PTPRG: variants seen among roughly 807,000 people sequenced by gnomAD.
The protein encoded by PTPRG is protein tyrosine phosphatase receptor type G.
Under a neutral mutation model 165.3 loss-of-function variants are expected in PTPRG, and 102 were observed. The ratio of observed to expected loss-of-function variants is 0.62; its 90% CI spans 0.53 to 0.73. The LOEUF is 0.73. Ranked by LOEUF, PTPRG falls within the 30% of genes least tolerant of loss-of-function variation. The pLI, the probability that PTPRG is intolerant of heterozygous loss-of-function variation, is 0.00. For synonymous variants in PTPRG, 675 were observed against 669.5 expected, an observed-to-expected ratio of 1.01 and a Z score of -0.13; for missense variants, 1,866 against 1,861.4, an observed-to-expected ratio of 1.00 and a Z score of -0.05.
intron 3 of PTPRG, among the ~76,000 whole-genome samples, chr3:61,992,444 C>G (rs543618720): frequency 6.6e-6 from 1 of 152,284 alleles, no homozygotes; most frequent in East Asian, 1.9e-4. Flanking sequence ...ATTGCAACCT[C>G]TGCCTCCCGG....
In PTPRG at chr3:62,195,376, C is replaced by A. The variant is rs1699935201; in HGVS notation, c.1327+206C>A. 6.6e-6 allele frequency among the ~76,000 whole-genome samples: 1 copy of A among 152,112 alleles called. No homozygotes were observed. Among genetic ancestry groups the A allele is most frequent in the Non-Finnish European group, 1.5e-5 (1 of 68,016 alleles). On this transcript the variant is annotated intron_variant, in intron 10 of 29. Coordinates refer to ENST00000474889, the MANE Select transcript of PTPRG (RefSeq NM_002841.4). This position sits in a 1 kb window ranked among gnomAD's most constrained non-coding sequence, Gnocchi z 4.4. ...TATCGGCAGAAGAGGGGAGAAAAAA[C>A]AAAACATTTTTGATTGTTTTATTGT... is the stretch of plus-strand genomic sequence containing the variant.
chr3:61,748,123 C>T (rs1451099174), intron 1 of PTPRG, among the ~76,000 whole-genome samples: 1 of 152,138 alleles, frequency 6.6e-6, no homozygotes, highest in Non-Finnish European at 1.5e-5. Context: ...ATCAGTGTTT[C>T]TTTTGTGGGC....
chr3:62,066,607 G>A (rs904390116), intron 4 of PTPRG, among the ~76,000 whole-genome samples: 6 of 152,146 alleles, frequency 3.9e-5, no homozygotes, highest in African/African-American at 9.7e-5. Context: ...TGTCCAAGGC[G>A]TTAAGCTCCA....
At chr3:61,700,151 C>T (rs1035845721) in intron 1 of PTPRG, among the ~76,000 whole-genome samples, 1 of 152,076 alleles carries the variant, frequency 6.6e-6, no homozygotes. Flanking sequence ...CTCTGTACCC[C>T]CTAAGGATTG....
At chr3:61,871,377 T>A (rs1225491569) in intron 2 of PTPRG, among the ~76,000 whole-genome samples, 1 of 152,038 alleles carries the variant, frequency 6.6e-6, no homozygotes, top group African/African-American at 2.4e-5. Context: ...AAGGCACATG[T>A]CACCACATCT....
intron 4 of PTPRG, among the ~76,000 whole-genome samples, chr3:62,076,574 T>C (rs556207982): frequency 3.6e-4 from 54 of 150,970 alleles, no homozygotes; most frequent in Admixed American, 6.6e-4. Flanking sequence ...TCATTTTTGT[T>C]CTCTACATCT....
chr3:61,631,081 G>GTT (rs923404357), intron 1 of PTPRG, among the ~76,000 whole-genome samples: 15 of 146,882 alleles, frequency 1.0e-4, no homozygotes, highest in African/African-American at 3.7e-4. Flanking sequence ...GAAAAAAAAA[G>GTT]TTTTTTTTTT....
chr3:62,000,267 C>T (rs914551396), intron 3 of PTPRG, among the ~76,000 whole-genome samples: 4 of 139,848 alleles, frequency 2.9e-5, no homozygotes, highest in East Asian at 2.1e-4. Context: ...GGCAACAGAG[C>T]GAGACTCTGT....
chr3:62,062,823 C>T (rs958848824), intron 4 of PTPRG, among the ~76,000 whole-genome samples: 7 of 152,108 alleles, frequency 4.6e-5, no homozygotes, highest in African/African-American at 1.7e-4. Context: ...CCACCATGCC[C>T]AGTTAATTTT....
chr3:61,706,791 GTATTAT>G (rs541054128), intron 1 of PTPRG, among the ~76,000 whole-genome samples: 1 of 151,668 alleles, frequency 6.6e-6, no homozygotes, highest in Non-Finnish European at 1.5e-5. Flanking sequence ...TGCCCGGCCA[GTATTAT>G]TATTATTATT....
chr3:62,095,387 C>T (rs866051445), intron 5 of PTPRG, among the ~76,000 whole-genome samples: 2 of 152,154 alleles, frequency 1.3e-5, no homozygotes, highest in African/African-American at 4.8e-5. Flanking sequence ...ATACAAATGA[C>T]AGCAGTTAGA....
intron 1 of PTPRG, among the ~76,000 whole-genome samples, chr3:61,596,713 C>T (rs114866497): frequency 3.9e-5 from 6 of 151,992 alleles, no homozygotes; most frequent in Non-Finnish European, 8.8e-5. Context: ...TTTCCTTTTT[C>T]ACAAGTAGAA....
intron 2 of PTPRG, among the ~76,000 whole-genome samples, chr3:61,915,811 C>T (rs147110078): frequency 6.6e-6 from 1 of 152,268 alleles, no homozygotes; most frequent in African/African-American, 2.4e-5. Flanking sequence ...ATCATAATAT[C>T]ACTTGATTTA....
intron 4 of PTPRG, among the ~76,000 whole-genome samples, chr3:62,055,311 G>C (rs1313651286): frequency 6.6e-6 from 1 of 152,204 alleles, no homozygotes; most frequent in Non-Finnish European, 1.5e-5. Context: ...GTTAAAAAAT[G>C]TAAAGGCATC....
At chr3:62,044,565 A>C (rs1700229652) in intron 4 of PTPRG, among the ~76,000 whole-genome samples, 1 of 152,186 alleles carries the variant, frequency 6.6e-6, no homozygotes, top group African/African-American at 2.4e-5. Flanking sequence ...AAAATGGCTA[A>C]GGAATGCTTA....
At position 62,137,681 on chromosome 3, in the gene PTPRG, T is replaced by A. The variant is rs1028356927; in HGVS notation, c.682+5013T>A. Among the ~76,000 whole-genome samples the A allele has an allele frequency of 2.0e-5, 3 of 152,032 alleles. No homozygotes were observed. The East Asian group carries it at 5.8e-4, about 29-fold the overall frequency. The stretch of plus-strand genomic sequence containing the variant: ...GATCTTTTTTTGGTGCAAGTTTGGC[T>A]TTGGGAAGTGCTTTGGAGCTTCTTC... On this transcript the variant is annotated intron_variant, in intron 6 of 29. Transcript: ENST00000474889.
At chr3:62,060,537 G>A (rs757201983) in intron 4 of PTPRG, among the ~76,000 whole-genome samples, 3 of 152,218 alleles carry the variant, frequency 2.0e-5, no homozygotes, top group Non-Finnish European at 4.4e-5. Flanking sequence ...ATCACTCACA[G>A]TTGCACTTAC....
intron 2 of PTPRG, among the ~76,000 whole-genome samples, chr3:61,801,053 G>A (rs544839647): frequency 1.4e-4 from 21 of 152,168 alleles, no homozygotes; most frequent in Non-Finnish European, 3.1e-4. Context: ...ACCGCCTGCC[G>A]TAGCTTCCCT....
intron 2 of PTPRG, among the ~76,000 whole-genome samples, chr3:61,794,301 CTT>C (rs1350081555): frequency 6.6e-5 from 10 of 151,988 alleles, no homozygotes; most frequent in Non-Finnish European, 1.0e-4. Context: ...AAAAATTCTT[CTT>C]GTCTTTATTT....
Sources: allele counts gnomAD v4.1 joint callset (sites outside exome capture counted in the v4.1 genomes callset), GRCh38; gene constraint gnomAD v4.1.1; non-coding constraint Gnocchi (gnomAD v3.1); transcripts MANE v1.5; gene names NCBI Gene and HGNC (gene_info 2026-07-23, HGNC 2026-07-21).